USP31: variants seen among roughly 807,000 people sequenced by gnomAD.
The protein encoded by USP31 is ubiquitin specific peptidase 31, also known as ubiquitin carboxyl-terminal hydrolase 31.
USP31 carries 44 observed loss-of-function variants against 119.4 expected under a neutral mutation model. That is an observed-to-expected ratio of 0.37 (90% CI 0.29 to 0.47). The LOEUF (loss-of-function observed/expected upper bound fraction) is 0.47, where lower values mean the gene tolerates loss of function less well. Among genes scored for constraint, USP31 ranks in the 20% least tolerant of loss-of-function variants. USP31 has a pLI of 0.99. For missense variants in USP31, 1,643 were observed against 1,730.2 expected (o/e 0.95, Z 0.89); for synonymous variants, 749 against 705.6 (o/e 1.06, Z -0.97).
intron 1 of USP31, among the ~76,000 whole-genome samples, chr16:23,120,444 A>G (rs71378499): frequency 1.3e-5 from 2 of 152,276 alleles, no homozygotes; most frequent in Admixed American, 6.5e-5. Flanking sequence ...GCTTTAAACG[A>G]AAGTTTTCCA....
At chr16:23,118,931 C>T (rs1902581141) in intron 1 of USP31, among the ~76,000 whole-genome samples, 1 of 151,786 alleles carries the variant, frequency 6.6e-6, no homozygotes, top group Non-Finnish European at 1.5e-5. Context: ...TGAGATCGCA[C>T]CACTGCACTC....
chr16:23,089,922 C>T (rs763663194), intron 7 of USP31, among the ~76,000 whole-genome samples: 6 of 152,072 alleles, frequency 3.9e-5, no homozygotes, highest in African/African-American at 7.2e-5. Context: ...GGACATAAGA[C>T]ATAAGTTCAA....
In USP31 at chr16:23,066,352, G is replaced by C. The variant is rs557524342; in HGVS notation, c.*1694C>G. On this transcript the variant is annotated 3_prime_UTR_variant, in exon 16 of 16. Transcript: ENST00000219689. ...AAGTTACCGGCTAATGCGCAAATTA[G>C]CAGCAAAATAAAGTTAAGTAACGTA... 2.0e-5 allele frequency: 3 copies of C among 152,582 alleles called. No homozygotes were observed. The East Asian group carries it at 5.8e-4, about 29-fold the overall frequency. The allele number at this position is 152,582 out of a possible 1,614,324, so 9.5% of individuals were successfully genotyped here. A position where few individuals can be genotyped will look rare whatever the true frequency, so the allele number is the denominator to read the frequency against.
At chr16:23,083,561 T>C (rs1302329179) in intron 11 of USP31, among the ~76,000 whole-genome samples, 1 of 149,180 alleles carries the variant, frequency 6.7e-6, no homozygotes, top group African/African-American at 2.5e-5. Context: ...TCATCCATTA[T>C]CTTTGTGCCA....
intron 1 of USP31, among the ~76,000 whole-genome samples, chr16:23,131,388 G>A (rs1903026601): frequency 6.6e-6 from 1 of 152,120 alleles, no homozygotes; most frequent in Non-Finnish European, 1.5e-5. Flanking sequence ...GAACTCCTGG[G>A]CTCAAGCAAT....
At chr16:23,144,379 G>A (rs1903444146) in intron 1 of USP31, among the ~76,000 whole-genome samples, 1 of 152,166 alleles carries the variant, frequency 6.6e-6, no homozygotes, top group Admixed American at 6.5e-5. Context: ...TGAGCGATGT[G>A]AAAGTGAAGA....
intron 6 of USP31, among the ~76,000 whole-genome samples, chr16:23,095,363 AT>A (rs1311333077): frequency 6.6e-6 from 1 of 152,222 alleles, no homozygotes; most frequent in African/African-American, 2.4e-5. Flanking sequence ...GACCAAATCT[AT>A]GTTTGATTGC....
intron 1 of USP31, among the ~76,000 whole-genome samples, chr16:23,110,270 T>C (rs894386878): frequency 2.6e-5 from 4 of 152,158 alleles, no homozygotes; most frequent in Non-Finnish European, 4.4e-5. Context: ...ATGTGTATCA[T>C]GGGAAAAGAA....
chr16:23,108,213 G>A, intron 1 of USP31, 30 bp from the exon 2 acceptor site: 1 of 1,572,842 alleles, frequency 6.4e-7, no homozygotes, highest in Non-Finnish European at 8.6e-7. Flanking sequence ...ACCATGAACA[G>A]CTGTGAGTTC....
chr16:23,112,888 C>T (rs1344361519), intron 1 of USP31, among the ~76,000 whole-genome samples: 1 of 151,784 alleles, frequency 6.6e-6, no homozygotes, highest in Admixed American at 6.6e-5. Flanking sequence ...ATTAGCCGGG[C>T]ACGGTGGTGC....
At chr16:23,134,097 A>T (rs866570525) in intron 1 of USP31, among the ~76,000 whole-genome samples, 2,220 of 136,372 alleles carry the variant, frequency 0.016, 19 homozygotes, top group African/African-American at 0.02. Flanking sequence ...TCTCACACAC[A>T]CACACACACA....
chr16:23,111,052 C>T (rs1158642215), intron 1 of USP31, among the ~76,000 whole-genome samples: 13 of 152,096 alleles, frequency 8.5e-5, no homozygotes, highest in Non-Finnish European at 1.3e-4. Flanking sequence ...GGCGTGAACC[C>T]GGGAGGCAGC....
At chr16:23,085,812 G>T in intron 9 of USP31, 150 bp from the exon 10 acceptor site, 1 of 679,932 alleles carries the variant, frequency 1.5e-6, no homozygotes, top group Non-Finnish European at 2.5e-6. Context: ...AAAGTTTTCA[G>T]CAAGACCACT....
chr16:23,132,783 G>T (rs1903069189), intron 1 of USP31, among the ~76,000 whole-genome samples: 1 of 152,064 alleles, frequency 6.6e-6, no homozygotes, highest in Non-Finnish European at 1.5e-5. Context: ...CAACCAAAAC[G>T]AAACTTATCC....
chr16:23,113,682 T>A (rs1478046784), intron 1 of USP31, among the ~76,000 whole-genome samples: 1 of 152,166 alleles, frequency 6.6e-6, no homozygotes, highest in African/African-American at 2.4e-5. Context: ...GAGATCATTC[T>A]TCATCACCAA....
rs946821795 is a variant in USP31 at position 23,077,385 on chromosome 16, T to A, written c.2176+2561A>T. ...AAAGGGTTTCAAGAATAAAAGATTA[T>A]TGTGTCCAGTAATCTTCCCCAACCC... On this transcript the variant is annotated intron_variant, in intron 13 of 15. Transcript: ENST00000219689. Among the ~76,000 whole-genome samples, 2 of 152,352 alleles carry A rather than the reference T, an allele frequency of 1.3e-5. 1 individual carries two copies. The highest frequency in any genetic ancestry group is 4.1e-4 in the South Asian group (2 of 4,830).
chr16:23,149,418 G>A lies in USP31; in HGVS notation c.-148C>T, dbSNP rs982599315. On this transcript the variant is annotated 5_prime_UTR_variant, in exon 1 of 16. Transcript: ENST00000219689. ...TCAAAGCGCAGCCGAGCCAGCGAGC[G>A]AGCGGCGGCCGGCGGGGCCAGCGGG... 1.1e-6 allele frequency: 1 copy of A among 946,754 alleles called. No individual in the cohort carries two copies. Among genetic ancestry groups the A allele is most frequent in the Non-Finnish European group, 1.3e-6 (1 of 796,372 alleles). 58.6% of individuals were successfully genotyped at this position (946,754 alleles called of 1,614,324 possible).
At chr16:23,133,031 C>A (rs1439774934) in intron 1 of USP31, among the ~76,000 whole-genome samples, 1 of 152,196 alleles carries the variant, frequency 6.6e-6, no homozygotes. Context: ...CAGCCCAATC[C>A]ACTATGAAGC....
intron 13 of USP31, among the ~76,000 whole-genome samples, chr16:23,075,431 C>T (rs936352113): frequency 6.6e-6 from 1 of 152,162 alleles, no homozygotes; most frequent in African/African-American, 2.4e-5. Context: ...GCACAGCAAA[C>T]TCATTAATTA....
Sources: allele counts gnomAD v4.1 joint callset (sites outside exome capture counted in the v4.1 genomes callset), GRCh38; gene constraint gnomAD v4.1.1; transcripts MANE v1.5; gene names NCBI Gene and HGNC (gene_info 2026-07-23, HGNC 2026-07-21).